Variants in RYR2 observed in about 807,000 individuals in gnomAD.
RYR2 encodes the protein ryanodine receptor 2.
RYR2 carries 227 observed loss-of-function variants against 601.1 expected under a neutral mutation model. That is an observed-to-expected ratio of 0.38 (90% CI 0.34 to 0.42). The LOEUF is 0.42. RYR2 is among the 10% of genes least tolerant of loss of function. The pLI, the probability that RYR2 is intolerant of heterozygous loss-of-function variation, is 1.00. For synonymous variants in RYR2, 2,223 were observed against 2,175.1 expected (o/e 1.02, Z -0.61); for missense variants, 4,646 against 6,156.5 (o/e 0.75, Z 8.21).
At chr1:237,793,772 A>G (rs1326628606) in intron 94 of RYR2, 95 bp from the exon 95 acceptor site, 4 of 925,984 alleles carry the variant, frequency 4.3e-6, no homozygotes, top group Middle Eastern at 4.4e-4. Context: ...TACACAGGAA[A>G]TATTTCTTTC....
chr1:237,832,420 G>T, intron 104 of RYR2, 132 bp from the exon 105 acceptor site: 2 of 533,120 alleles, frequency 3.8e-6, no homozygotes, highest in East Asian at 3.1e-5. Flanking sequence ...GGTATAGTTA[G>T]TTAGGAACCA....
chr1:237,217,395 A>T (rs961624678), intron 1 of RYR2, among the ~76,000 whole-genome samples: 1 of 151,298 alleles, frequency 6.6e-6, no homozygotes, highest in Non-Finnish European at 1.5e-5. Flanking sequence ...AATATTTGGG[A>T]AATTTTACTT....
chr1:237,660,778 A>G (rs541185180), intron 55 of RYR2, 32 bp from the exon 56 acceptor site: 11 of 1,520,540 alleles, frequency 7.2e-6, no homozygotes, highest in East Asian at 2.5e-5. Context: ...CATTCATAAT[A>G]TATCTGTTGT....
At position 237,676,489 on chromosome 1, in the gene RYR2, A is replaced by G. The variant is rs548597140; in HGVS notation, c.8831-1559A>G. Among the ~76,000 whole-genome samples, 20 of 152,280 alleles carry G rather than the reference A, an allele frequency of 1.3e-4. No homozygotes were observed. In the South Asian group the frequency reaches 4.1e-3, roughly 32 times the overall value. ...GGCTACAATGACAGAGCCCAGCCAA[A>G]TAACCTTTTTCACAACTCCTGATGT... is the stretch of plus-strand genomic sequence containing the variant. On this transcript the variant is annotated intron_variant, in intron 60 of 104. Coordinates refer to ENST00000366574, the MANE Select transcript of RYR2 (RefSeq NM_001035.3).
chr1:237,629,905 T>A (rs1484728255), intron 41 of RYR2, among the ~76,000 whole-genome samples: 3 of 152,232 alleles, frequency 2.0e-5, no homozygotes, highest in African/African-American at 7.2e-5. Context: ...ATAAATATAC[T>A]AATGGGACAG....
intron 1 of RYR2, among the ~76,000 whole-genome samples, chr1:237,103,142 G>A (rs758035801): frequency 2.6e-5 from 4 of 152,198 alleles, no homozygotes; most frequent in Non-Finnish European, 4.4e-5. Flanking sequence ...TCTGAGGCCA[G>A]TAGGAGCTCT....
intron 2 of RYR2, among the ~76,000 whole-genome samples, chr1:237,321,393 G>A (rs73127272): frequency 0.14 from 21,380 of 151,998 alleles, 3,533 homozygotes; most frequent in African/African-American, 0.39. Context: ...ATACTTCATT[G>A]TTTTTTAAAT....
chr1:237,347,339 G>T (rs553151449), intron 3 of RYR2, among the ~76,000 whole-genome samples: 3 of 151,980 alleles, frequency 2.0e-5, no homozygotes, highest in Non-Finnish European at 4.4e-5. Context: ...AAAAAACAGA[G>T]AGGGAAAAAT....
chr1:237,303,976 T>TA (rs1693629260), intron 2 of RYR2, among the ~76,000 whole-genome samples: 1 of 152,174 alleles, frequency 6.6e-6, no homozygotes, highest in South Asian at 2.1e-4. Flanking sequence ...CTGTCGGGTG[T>TA]AAGAGATTTG....
At chr1:237,356,796 C>G (rs920435930) in intron 4 of RYR2, among the ~76,000 whole-genome samples, 2 of 152,178 alleles carry the variant, frequency 1.3e-5, no homozygotes, top group African/African-American at 4.8e-5. Context: ...AAAGTCTCCT[C>G]AAGACTGATA....
chr1:237,213,187 T>A (rs1415219762), intron 1 of RYR2, among the ~76,000 whole-genome samples: 1 of 151,176 alleles, frequency 6.6e-6, no homozygotes, highest in African/African-American at 2.4e-5. Context: ...TTTTTAAATA[T>A]TTTTTTTTGA....
chr1:237,098,843 T>C (rs1667766265), intron 1 of RYR2, among the ~76,000 whole-genome samples: 1 of 152,182 alleles, frequency 6.6e-6, no homozygotes, highest in Non-Finnish European at 1.5e-5. Context: ...ATTCTGGAGA[T>C]GATTCAATCC....
At chr1:237,692,154 G>A (rs532797208) in intron 63 of RYR2, among the ~76,000 whole-genome samples, 5 of 152,144 alleles carry the variant, frequency 3.3e-5, no homozygotes, top group South Asian at 4.1e-4. Flanking sequence ...CTTTTTACAT[G>A]TGAAAATAAA....
chr1:237,537,693 A>C (rs1398846555), intron 25 of RYR2, among the ~76,000 whole-genome samples: 1 of 152,234 alleles, frequency 6.6e-6, no homozygotes, highest in South Asian at 2.1e-4. Flanking sequence ...AGATAGATTC[A>C]AAGGACAAAT....
At chr1:237,148,523 A>ATATTT (rs1316106371) in intron 1 of RYR2, among the ~76,000 whole-genome samples, 10 of 48,286 alleles carry the variant, frequency 2.1e-4, no homozygotes, top group African/African-American at 6.1e-4. Flanking sequence ...AGTAAAAAAA[A>ATATTT]AAAAATATAT....
chr1:237,613,927 T>G, intron 36 of RYR2, 112 bp from the exon 37 acceptor site: 1 of 957,904 alleles, frequency 1.0e-6, no homozygotes, highest in Non-Finnish European at 1.5e-6. Context: ...GCAGTGTCTA[T>G]TCCCATAACT....
chr1:237,166,255 C>T (rs914299546), intron 1 of RYR2, among the ~76,000 whole-genome samples: 1 of 152,176 alleles, frequency 6.6e-6, no homozygotes, highest in African/African-American at 2.4e-5. Flanking sequence ...CCATCTGCTT[C>T]TCTGATATTA....
At chr1:237,745,367 G>A (rs1691984446) in intron 80 of RYR2, among the ~76,000 whole-genome samples, 1 of 152,134 alleles carries the variant, frequency 6.6e-6, no homozygotes, top group Non-Finnish European at 1.5e-5. Flanking sequence ...TATGTGAATT[G>A]TTGAGGGATG....
intron 21 of RYR2, among the ~76,000 whole-genome samples, chr1:237,502,055 G>A (rs1479305889): frequency 1.3e-5 from 2 of 152,134 alleles, no homozygotes; most frequent in African/African-American, 2.4e-5. Flanking sequence ...CTACCCGGGA[G>A]GCTGAGTTGG....
Sources: gnomAD v4.1 joint callset for allele counts (sites outside exome capture counted in the v4.1 genomes callset) on GRCh38, gnomAD v4.1.1 for gene constraint, MANE v1.5 for transcripts, NCBI Gene and HGNC (gene_info 2026-07-23, HGNC 2026-07-21) for gene names.